The following EBF1 variants were observed in gnomAD, a reference collection of about 807,000 sequenced individuals.
The protein encoded by EBF1 is EBF transcription factor 1.
In EBF1, 10 loss-of-function variants were observed where a neutral mutation model predicts 68.4. The observed-to-expected ratio is 0.15, with a 90% CI of 0.09 to 0.25. The LOEUF (loss-of-function observed/expected upper bound fraction) is 0.25, where lower values mean the gene tolerates loss of function less well. Among genes scored for constraint, EBF1 ranks in the 10% least tolerant of loss-of-function variants. EBF1 has a pLI of 1.00. For missense variants in EBF1, 509 were observed against 794.4 expected, an observed-to-expected ratio of 0.64 and a Z score of 4.32; for synonymous variants, 298 against 299.8, an observed-to-expected ratio of 0.99 and a Z score of 0.06.
intron 6 of EBF1, among the ~76,000 whole-genome samples, chr5:158,895,980 G>C (rs988508176): frequency 2.0e-5 from 3 of 152,186 alleles, no homozygotes; most frequent in African/African-American, 7.2e-5. Context: ...AGATGGAAAG[G>C]AAAGGAATTC....
At chr5:159,012,627 C>T (rs1002476359) in intron 6 of EBF1, among the ~76,000 whole-genome samples, 2 of 152,162 alleles carry the variant, frequency 1.3e-5, no homozygotes, top group Non-Finnish European at 2.9e-5. Context: ...GCTGGGACTA[C>T]AGGCAAGCCA....
Position 158,791,078 on chromosome 5 carries a change from C to T in EBF1, c.909+5267G>A, listed in dbSNP as rs138728691. 1.6e-3 allele frequency among the ~76,000 whole-genome samples: 244 copies of T among 152,064 alleles called. 1 individual carries two copies. The highest frequency in any genetic ancestry group is 5.5e-3 in the African/African-American group (229 of 41,504). On this transcript the variant is annotated intron_variant, in intron 9 of 15. Coordinates refer to ENST00000313708, the MANE Select transcript of EBF1 (RefSeq NM_024007.5). ...ACTCATGCCTGTAATCCAAGCACTT[C>T]GGGAGGCTGAGGCGGGCAGATCACG...
chr5:158,916,942 A>G (rs1472238140), intron 6 of EBF1, among the ~76,000 whole-genome samples: 1 of 152,174 alleles, frequency 6.6e-6, no homozygotes, highest in Non-Finnish European at 1.5e-5. Flanking sequence ...GCAAGACTTC[A>G]GCATCCTCTG....
intron 6 of EBF1, among the ~76,000 whole-genome samples, chr5:158,920,443 A>G (rs1035274249): frequency 6.6e-6 from 1 of 152,218 alleles, no homozygotes; most frequent in African/African-American, 2.4e-5. Context: ...TGAAAAGAAT[A>G]TGTCGTTCCC....
chr5:158,925,512 T>C (rs1048384807), intron 6 of EBF1, among the ~76,000 whole-genome samples: 3 of 152,198 alleles, frequency 2.0e-5, no homozygotes, highest in Non-Finnish European at 4.4e-5. Flanking sequence ...TCCTCAAAGA[T>C]CTCCAAAGGG....
intron 6 of EBF1, among the ~76,000 whole-genome samples, chr5:159,017,365 A>G (rs1325348093): frequency 6.8e-6 from 1 of 147,262 alleles, no homozygotes; most frequent in African/African-American, 2.4e-5. Context: ...GCTTCTATCA[A>G]AAAATCATAT....
intron 6 of EBF1, among the ~76,000 whole-genome samples, chr5:159,014,517 C>A (rs185536115): frequency 6.6e-6 from 1 of 152,324 alleles, no homozygotes; most frequent in African/African-American, 2.4e-5. Flanking sequence ...AACAAGTAAT[C>A]ATCATTTTCA....
intron 6 of EBF1, among the ~76,000 whole-genome samples, chr5:158,926,152 A>G (rs1809649073): frequency 6.6e-6 from 1 of 152,222 alleles, no homozygotes; most frequent in Admixed American, 6.5e-5. Flanking sequence ...AATCCTTTCC[A>G]TAACTATTAT....
chr5:158,870,051 C>T (rs536754114), intron 6 of EBF1, among the ~76,000 whole-genome samples: 3 of 152,178 alleles, frequency 2.0e-5, no homozygotes, highest in African/African-American at 7.2e-5. Context: ...ACAAGCAGTG[C>T]ACTTCATGCC....
intron 6 of EBF1, among the ~76,000 whole-genome samples, chr5:158,885,522 T>C (rs1799875361): frequency 6.6e-6 from 1 of 152,236 alleles, no homozygotes; most frequent in African/African-American, 2.4e-5. Flanking sequence ...CAGTTAATCA[T>C]GCACACATTG....
intron 8 of EBF1, among the ~76,000 whole-genome samples, chr5:158,803,722 C>A (rs1477192000): frequency 6.6e-6 from 1 of 151,754 alleles, no homozygotes; most frequent in African/African-American, 2.4e-5. Context: ...GGTGTAGCAG[C>A]CTTTATAACA....
chr5:158,967,824 G>A (rs1408093632), intron 6 of EBF1, among the ~76,000 whole-genome samples: 1 of 152,136 alleles, frequency 6.6e-6, no homozygotes, highest in African/African-American at 2.4e-5. Flanking sequence ...TTTCCCCCTA[G>A]GGCAATGATT....
chr5:158,709,506 C>T (rs1277469794), intron 14 of EBF1, among the ~76,000 whole-genome samples: 1 of 152,186 alleles, frequency 6.6e-6, no homozygotes, highest in Admixed American at 6.5e-5. Flanking sequence ...AAGCCTCGTT[C>T]CCATGAGCCC....
intron 6 of EBF1, among the ~76,000 whole-genome samples, chr5:158,885,412 T>C (rs1799852875): frequency 6.6e-6 from 1 of 152,160 alleles, no homozygotes; most frequent in Non-Finnish European, 1.5e-5. Context: ...AGTAATGCGG[T>C]CAGGAGTTAA....
chr5:158,743,594 C>A (rs578067098), intron 10 of EBF1, among the ~76,000 whole-genome samples: 1 of 152,226 alleles, frequency 6.6e-6, no homozygotes, highest in East Asian at 1.9e-4. Flanking sequence ...AAATAAAAGA[C>A]CAACTAATGA....
In EBF1 at chr5:158,760,700, T is replaced by C. The variant is rs935079160; in HGVS notation, c.1036+16713A>G. 2.6e-5 allele frequency among the ~76,000 whole-genome samples: 4 copies of C among 152,158 alleles called. No individual in the cohort carries two copies. The South Asian group carries it at 8.3e-4, about 32-fold the overall frequency. On this transcript the variant is annotated intron_variant, in intron 10 of 15. Coordinates refer to ENST00000313708, the MANE Select transcript of EBF1 (RefSeq NM_024007.5). Reference sequence around the variant, plus strand: ...CAGAGCAATCTCAGGTGCGATCTTATACCGTAAAGGACTGGATCAATACTC... The same window carrying C: ...CAGAGCAATCTCAGGTGCGATCTTACACCGTAAAGGACTGGATCAATACTC...
chr5:158,776,888 C>T (rs1775400971), intron 10 of EBF1, among the ~76,000 whole-genome samples: 1 of 152,200 alleles, frequency 6.6e-6, no homozygotes, highest in South Asian at 2.1e-4. Context: ...TTCACATTCA[C>T]TCTGAAACCC....
At chr5:158,790,616 C>G (rs1778406444) in intron 9 of EBF1, among the ~76,000 whole-genome samples, 1 of 152,164 alleles carries the variant, frequency 6.6e-6, no homozygotes, top group Non-Finnish European at 1.5e-5. Flanking sequence ...GAAGAAAGAC[C>G]AGCAGAATTT....
At chr5:158,948,266 G>A (rs1402485047) in intron 6 of EBF1, among the ~76,000 whole-genome samples, 17 of 152,036 alleles carry the variant, frequency 1.1e-4, no homozygotes, top group African/African-American at 3.9e-4. Flanking sequence ...GGGGAGGCCC[G>A]AGGGCAGGCC....
Sources: gnomAD v4.1 joint callset for allele counts (sites outside exome capture counted in the v4.1 genomes callset) on GRCh38, gnomAD v4.1.1 for gene constraint, MANE v1.5 for transcripts, NCBI Gene and HGNC (gene_info 2026-07-23, HGNC 2026-07-21) for gene names.